SHOC1: variants seen among roughly 807,000 people sequenced by gnomAD.
The protein encoded by SHOC1 is protein shortage in chiasmata 1 ortholog.
Under a neutral mutation model 179.2 loss-of-function variants are expected in SHOC1, and 136 were observed. That is an observed-to-expected ratio of 0.76 (90% CI 0.66 to 0.87). The LOEUF is 0.87. Among genes scored for constraint, SHOC1 ranks in the 40% least tolerant of loss-of-function variants. The pLI is 0.00. For synonymous variants in SHOC1, 489 were observed against 586.6 expected (o/e 0.83, Z 2.41); for missense variants, 1,538 against 1,700.8 (o/e 0.90, Z 1.68).
rs1470673958 is a variant in SHOC1 at position 111,713,117 on chromosome 9, A to G, written c.2471T>C (p.Ile824Thr). 1 of 1,567,484 alleles carries G rather than the reference A, an allele frequency of 6.4e-7. No individual in the cohort carries two copies. Among genetic ancestry groups the G allele is most frequent in the Admixed American group, 1.7e-5 (1 of 59,030 alleles). Residue 824 changes from isoleucine (I) to threonine (T), a missense_variant, in exon 18 of 28, where the codon ATT becomes ACT. Transcript: ENST00000682961. ...CTGCCTACCTTCTATTTTGTTAAGAATTTTAATGAGAAAATGTTTTTCACC... is the reference window on the plus strand; with the variant it reads ...CTGCCTACCTTCTATTTTGTTAAGAGTTTTAATGAGAAAATGTTTTTCACC... Reference protein sequence around the residue: ...SDGEKHFLIKILNKIEGLTLT... With the variant: ...SDGEKHFLIKTLNKIEGLTLT...
At position 111,723,232 on chromosome 9, in the gene SHOC1, AC is replaced by A. The variant is rs1833149388; in HGVS notation, c.1954+559del. ...CAATGAAAAATTTTTTCCAGTTATCACTAGAATAACATTATTTAAAGATTTG... is the reference window on the plus strand; with the variant it reads ...CAATGAAAAATTTTTTCCAGTTATCATAGAATAACATTATTTAAAGATTTG... On this transcript the variant is annotated intron_variant, in intron 14 of 27. Coordinates refer to ENST00000682961, the MANE Select transcript of SHOC1 (RefSeq NM_001378211.1). Among the ~76,000 whole-genome samples the A allele has an allele frequency of 2.6e-5, 4 of 152,302 alleles. No homozygotes were observed. The South Asian group carries it at 8.3e-4, about 32-fold the overall frequency.
chr9:111,762,353 G>A (rs1322889155), intron 5 of SHOC1, among the ~76,000 whole-genome samples: 2 of 151,780 alleles, frequency 1.3e-5, no homozygotes, highest in Admixed American at 1.3e-4. Context: ...ACTTGAGCCC[G>A]GGGGTTTCAA....
intron 11 of SHOC1, among the ~76,000 whole-genome samples, 159 bp downstream of exon 11, chr9:111,741,317 A>G (rs1834027981): frequency 6.6e-6 from 1 of 152,188 alleles, no homozygotes; most frequent in East Asian, 1.9e-4. Context: ...TGCACCTAGC[A>G]TAATGAACCT....
chr9:111,742,670 A>G (rs1834096619), intron 10 of SHOC1, among the ~76,000 whole-genome samples: 2 of 152,182 alleles, frequency 1.3e-5, no homozygotes, highest in South Asian at 4.1e-4. Flanking sequence ...TTCATATGGA[A>G]CATATATGAG....
At chr9:111,731,199 A>G (rs1023179668) in intron 12 of SHOC1, among the ~76,000 whole-genome samples, 4 of 152,174 alleles carry the variant, frequency 2.6e-5, no homozygotes, top group Admixed American at 1.3e-4. Flanking sequence ...CAATAAGACT[A>G]TTTAACTTTC....
intron 3 of SHOC1, among the ~76,000 whole-genome samples, chr9:111,785,285 A>G (rs899946348): frequency 6.6e-6 from 1 of 152,190 alleles, no homozygotes; most frequent in African/African-American, 2.4e-5. Flanking sequence ...ATCACTTAGC[A>G]TTACTGTCTC....
chr9:111,694,488 A>G, intron 24 of SHOC1, 126 bp from the exon 25 acceptor site: 1 of 650,956 alleles, frequency 1.5e-6, no homozygotes, highest in Non-Finnish European at 2.5e-6. Context: ...TTAGATAGAA[A>G]CTATTGGTTT....
At chr9:111,770,748 C>T (rs185160799) in intron 5 of SHOC1, among the ~76,000 whole-genome samples, 162 of 152,226 alleles carry the variant, frequency 1.1e-3, no homozygotes, top group African/African-American at 3.7e-3. Flanking sequence ...TTGTTATACC[C>T]TCTTGCTTAA....
chr9:111,784,922 C>A, intron 3 of SHOC1, among the ~76,000 whole-genome samples: 1 of 152,154 alleles, frequency 6.6e-6, no homozygotes, highest in Non-Finnish European at 1.5e-5. Flanking sequence ...CCAAAGGCCC[C>A]ACCTTCAAAT....
In SHOC1 at chr9:111,728,017, T is replaced by C. The variant is rs750786024; in HGVS notation, c.1450A>G (p.Ile484Val). 15 of 1,603,166 alleles carry C rather than the reference T, an allele frequency of 9.4e-6. No homozygotes were observed. In the South Asian group the frequency reaches 1.7e-4, roughly 18 times the overall value. Residue 484 changes from isoleucine (I) to valine (V), a missense_variant, in exon 13 of 28, where the codon ATT becomes GTT. Coordinates refer to ENST00000682961, the MANE Select transcript of SHOC1 (RefSeq NM_001378211.1). The part of the protein sequence containing the change: ...CLEHKSHSSP[I>V]ALIDEKSTNA... ...GTAGATTTTTCATCAATAAGTGCAA[T>C]AGGTGAAGAATGACTTTTATGTTCT...
intron 11 of SHOC1, 42 bp from the exon 12 acceptor site, chr9:111,738,564 A>C: frequency 6.9e-7 from 1 of 1,459,520 alleles, no homozygotes; most frequent in Non-Finnish European, 9.0e-7. Flanking sequence ...AACAGTCTAC[A>C]AAGCAAAAGA....
intron 5 of SHOC1, among the ~76,000 whole-genome samples, chr9:111,762,357 G>T (rs990851487): frequency 2.6e-5 from 4 of 151,792 alleles, no homozygotes; most frequent in African/African-American, 9.7e-5. Context: ...GAGCCCGGGG[G>T]TTTCAAGGCT....
chr9:111,764,580 T>C (rs1022693123), intron 5 of SHOC1, among the ~76,000 whole-genome samples: 6 of 151,948 alleles, frequency 3.9e-5, no homozygotes, highest in African/African-American at 1.5e-4. Flanking sequence ...ATTGGGAGAG[T>C]AGACCATAGG....
At chr9:111,703,567 G>GTGGC (rs1167142827) in intron 22 of SHOC1, among the ~76,000 whole-genome samples, 1 of 152,104 alleles carries the variant, frequency 6.6e-6, no homozygotes, top group Admixed American at 6.5e-5. Flanking sequence ...TGTAATAAAA[G>GTGGC]TGGCTGGAAA....
intron 12 of SHOC1, among the ~76,000 whole-genome samples, chr9:111,728,971 C>T (rs147943192): frequency 8.5e-4 from 129 of 152,322 alleles, no homozygotes; most frequent in African/African-American, 3.0e-3. Context: ...TTATGCTATA[C>T]TGCAGTGTAT....
intron 12 of SHOC1, among the ~76,000 whole-genome samples, chr9:111,731,460 G>A (rs577237046): frequency 6.6e-6 from 1 of 152,264 alleles, no homozygotes; most frequent in South Asian, 2.1e-4. Flanking sequence ...GTACCGTTGT[G>A]TCTCGACAGA....
At chr9:111,719,739 G>A (rs1020877658) in intron 15 of SHOC1, among the ~76,000 whole-genome samples, 1 of 152,068 alleles carries the variant, frequency 6.6e-6, no homozygotes, top group Admixed American at 6.6e-5. Flanking sequence ...TCTCAGATCA[G>A]GTATTCTATC....
intron 24 of SHOC1, 50 bp downstream of exon 24, chr9:111,699,904 A>G (rs756212227): frequency 2.5e-6 from 3 of 1,186,584 alleles, no homozygotes; most frequent in South Asian, 1.4e-5. Flanking sequence ...TTTGAGTATA[A>G]TTTTGGTTTA....
chr9:111,765,831 A>C (rs1835332876), intron 5 of SHOC1, among the ~76,000 whole-genome samples: 1 of 151,768 alleles, frequency 6.6e-6, no homozygotes, highest in South Asian at 2.1e-4. Context: ...CTCCTGCCTC[A>C]GCCTCCCAAG....
Sources: gnomAD v4.1 joint callset for allele counts (sites outside exome capture counted in the v4.1 genomes callset) on GRCh38, gnomAD v4.1.1 for gene constraint, MANE v1.5 for transcripts, NCBI Gene and HGNC (gene_info 2026-07-23, HGNC 2026-07-21) for gene names.